The following NRG3 variants were observed in gnomAD, a reference collection of about 807,000 sequenced individuals.
NRG3 encodes pro-neuregulin-3, membrane-bound isoform.
A neutral mutation model predicts 66.9 loss-of-function variants in NRG3; 31 were observed. That is an observed-to-expected ratio of 0.46 (90% CI 0.35 to 0.63). The LOEUF (loss-of-function observed/expected upper bound fraction) is 0.63. NRG3 is among the 20% of genes least tolerant of loss of function. NRG3 has a pLI of 0.00. For synonymous variants in NRG3, 393 were observed against 359.4 expected (o/e 1.09, Z -1.06); for missense variants, 910 against 878.9 (o/e 1.04, Z -0.45).
At chr10:81,990,993 G>A (rs1230145632) in intron 1 of NRG3, among the ~76,000 whole-genome samples, 2 of 152,162 alleles carry the variant, frequency 1.3e-5, no homozygotes, top group Non-Finnish European at 1.5e-5. Flanking sequence ...TGTGTGAGAA[G>A]CTGAGTCAAA....
chr10:82,732,205 A>G (rs948771625), intron 2 of NRG3, among the ~76,000 whole-genome samples: 5 of 152,266 alleles, frequency 3.3e-5, no homozygotes, highest in African/African-American at 4.8e-5. Context: ...CTTCTTACCC[A>G]TAGTTGATGA....
chr10:82,907,244 C>A (rs1923572), intron 4 of NRG3, among the ~76,000 whole-genome samples: 54,743 of 151,936 alleles, frequency 0.36, 10,315 homozygotes, highest in East Asian at 0.54. Context: ...AATTTCTTTC[C>A]AGGTTTAAAA....
At chr10:81,952,933 T>C (rs999298748) in intron 1 of NRG3, among the ~76,000 whole-genome samples, 2 of 151,778 alleles carry the variant, frequency 1.3e-5, no homozygotes, top group African/African-American at 4.8e-5. Context: ...CACTTGGCCG[T>C]TAACTTCTGG....
intron 1 of NRG3, among the ~76,000 whole-genome samples, chr10:82,155,591 A>G (rs747368872): frequency 5.3e-5 from 8 of 151,806 alleles, no homozygotes; most frequent in Non-Finnish European, 1.0e-4. Context: ...GCTTAATGCC[A>G]ACATGTACCT....
At chr10:82,980,338 G>C (rs371267190) in intron 8 of NRG3, among the ~76,000 whole-genome samples, 2 of 152,152 alleles carry the variant, frequency 1.3e-5, no homozygotes, top group South Asian at 4.2e-4. Context: ...AGTGGTACTG[G>C]TATTTATTGT....
At chr10:82,898,316 C>T (rs1431021043) in intron 4 of NRG3, among the ~76,000 whole-genome samples, 1 of 152,182 alleles carries the variant, frequency 6.6e-6, no homozygotes, top group Non-Finnish European at 1.5e-5. Context: ...CTAAATCCTT[C>T]TCTCAGAGTC....
intron 1 of NRG3, among the ~76,000 whole-genome samples, chr10:82,205,318 G>A (rs2075060576): frequency 6.6e-6 from 1 of 152,144 alleles, no homozygotes; most frequent in Admixed American, 6.6e-5. Context: ...GGTTCCATCT[G>A]TTTCTTTTCA....
intron 4 of NRG3, among the ~76,000 whole-genome samples, chr10:82,882,209 T>C (rs1485089475): frequency 1.3e-5 from 2 of 152,220 alleles, no homozygotes; most frequent in Non-Finnish European, 2.9e-5. Flanking sequence ...TTATGTGTTC[T>C]ACTGTAACTT....
Position 82,979,288 on chromosome 10 carries a change from G to T in NRG3, c.1583+168G>T, listed in dbSNP as rs1044517286. Reference sequence around the variant, plus strand: ...AAAGGTGAACCAACTTTGATGTATAGTTGTGATGGAAAATAGGTATCAGGG... The same window carrying T: ...AAAGGTGAACCAACTTTGATGTATATTTGTGATGGAAAATAGGTATCAGGG... On this transcript the variant is annotated intron_variant, in intron 8 of 8. Coordinates refer to ENST00000372141, the MANE Select transcript of NRG3 (RefSeq NM_001010848.4). Among the ~76,000 whole-genome samples the T allele has an allele frequency of 3.5e-4, 54 of 152,164 alleles. 2 individuals are homozygous for T. The highest frequency in any genetic ancestry group is 4.4e-5 in the Non-Finnish European group (3 of 68,032).
At chr10:82,876,895 T>C (rs1841867939) in intron 4 of NRG3, among the ~76,000 whole-genome samples, 1 of 151,818 alleles carries the variant, frequency 6.6e-6, no homozygotes, top group South Asian at 2.1e-4. Flanking sequence ...TGGTGGTGCA[T>C]GCCTGTAATC....
chr10:82,751,645 C>T (rs1001440379), intron 3 of NRG3, among the ~76,000 whole-genome samples: 2 of 152,100 alleles, frequency 1.3e-5, no homozygotes, highest in Admixed American at 6.6e-5. Context: ...TCATTTAACT[C>T]TTACAAGATA....
intron 1 of NRG3, among the ~76,000 whole-genome samples, chr10:82,215,144 T>G (rs1400745901): frequency 6.6e-6 from 1 of 152,224 alleles, no homozygotes; most frequent in Non-Finnish European, 1.5e-5. Flanking sequence ...AGCTTTAACC[T>G]CTTATAATAA....
At chr10:82,739,179 C>G (rs1354367903) in intron 3 of NRG3, among the ~76,000 whole-genome samples, 1 of 152,126 alleles carries the variant, frequency 6.6e-6, no homozygotes, top group Non-Finnish European at 1.5e-5. Flanking sequence ...GTCCTAAGGA[C>G]AAATTATTTT....
intron 1 of NRG3, among the ~76,000 whole-genome samples, chr10:82,322,982 A>G (rs1455435831): frequency 6.6e-6 from 1 of 152,212 alleles, no homozygotes; most frequent in African/African-American, 2.4e-5. Context: ...GAGCCTTCTG[A>G]TGAATACTAT....
intron 2 of NRG3, among the ~76,000 whole-genome samples, chr10:82,438,619 A>T (rs1227329461): frequency 6.6e-6 from 1 of 152,206 alleles, no homozygotes; most frequent in Non-Finnish European, 1.5e-5. Context: ...AGAGGCTGTA[A>T]CAATCTGCGC....
chr10:82,684,981 T>TCA (rs2054399346), intron 2 of NRG3, among the ~76,000 whole-genome samples: 2 of 152,124 alleles, frequency 1.3e-5, no homozygotes, highest in South Asian at 2.1e-4. Context: ...GGAAAAATCT[T>TCA]GATAGCAATG....
chr10:81,959,336 G>T (rs1483397571), intron 1 of NRG3, among the ~76,000 whole-genome samples: 1 of 151,948 alleles, frequency 6.6e-6, no homozygotes, highest in African/African-American at 2.4e-5. Context: ...ATATCCTCAT[G>T]GTTTGAACCA....
At chr10:82,253,689 G>T (rs781219341) in intron 1 of NRG3, among the ~76,000 whole-genome samples, 1 of 152,132 alleles carries the variant, frequency 6.6e-6, no homozygotes, top group Non-Finnish European at 1.5e-5. Flanking sequence ...TCAAAATAAT[G>T]TGTTTAGATC....
At chr10:82,066,125 A>T (rs2064445569) in intron 1 of NRG3, among the ~76,000 whole-genome samples, 1 of 152,132 alleles carries the variant, frequency 6.6e-6, no homozygotes, top group Non-Finnish European at 1.5e-5. Flanking sequence ...GTTAATGAGG[A>T]TATTAATTTT....
Sources: allele counts gnomAD v4.1 joint callset (sites outside exome capture counted in the v4.1 genomes callset), GRCh38; gene constraint gnomAD v4.1.1; transcripts MANE v1.5; gene names NCBI Gene and HGNC (gene_info 2026-07-23, HGNC 2026-07-21).